The following ZNF568 variants were observed in gnomAD, a reference collection of about 807,000 sequenced individuals.
The protein encoded by ZNF568 is zinc finger protein 568.
A neutral mutation model predicts 18.1 loss-of-function variants in ZNF568; 11 were observed. The observed-to-expected ratio is 0.61, with a 90% CI of 0.38 to 1.00. The LOEUF (loss-of-function observed/expected upper bound fraction) is 1.00, where lower values mean the gene tolerates loss of function less well. Ranked by LOEUF, ZNF568 falls within the 50% of genes least tolerant of loss-of-function variation. The pLI is 0.01. For missense variants in ZNF568, 639 were observed against 768.2 expected (o/e 0.83, Z 1.99); for synonymous variants, 213 against 246.6 (o/e 0.86, Z 1.28).
intron 6 of ZNF568, among the ~76,000 whole-genome samples, chr19:36,972,319 A>C (rs532021320): frequency 5.9e-5 from 9 of 152,220 alleles, no homozygotes; most frequent in African/African-American, 1.9e-4. Context: ...CTGTCATTAA[A>C]TATCCTTCTG....
downstream of ZNF568, among the ~76,000 whole-genome samples, chr19:36,981,367 G>A (rs1206484875): frequency 1.3e-5 from 2 of 152,140 alleles, no homozygotes; most frequent in African/African-American, 4.8e-5. Flanking sequence ...ATCCAGTTGG[G>A]ATAATGATTT....
chr19:36,930,939 T>C (rs2073677005), intron 4 of ZNF568, among the ~76,000 whole-genome samples: 1 of 152,242 alleles, frequency 6.6e-6, no homozygotes, highest in East Asian at 1.9e-4. Flanking sequence ...CAGCATTTTT[T>C]TTCAGTCAGA....
intron 3 of ZNF568, chr19:36,991,438 A>G: frequency 8.4e-7 from 1 of 1,193,368 alleles, no homozygotes; most frequent in South Asian, 1.9e-5. Context: ...CTTGCTCACC[A>G]AAAGAATGGT....
intron 6 of ZNF568, among the ~76,000 whole-genome samples, chr19:36,947,006 TTTTGTTTG>T (rs141590920): frequency 4.1e-4 from 61 of 149,498 alleles, no homozygotes; most frequent in Non-Finnish European, 2.8e-4. Context: ...CTAGAAGATT[TTTTGTTTG>T]TTTGTTTGTT....
chr19:36,973,108 G>C (rs1033295034), intron 6 of ZNF568: 3 of 152,394 alleles, frequency 2.0e-5, no homozygotes, highest in African/African-American at 7.2e-5. Context: ...ACCGTGGTGC[G>C]GTCCAGGCCC....
chr19:36,978,117 G>T (rs1339290651), intron 7 of ZNF568, among the ~76,000 whole-genome samples: 1 of 152,230 alleles, frequency 6.6e-6, no homozygotes, highest in Non-Finnish European at 1.5e-5. Flanking sequence ...TTGCCAATAA[G>T]ATAATCCAGT....
chr19:36,925,156 G>T (rs745359624), intron 3 of ZNF568, 44 bp from the exon 4 acceptor site: 1 of 1,581,396 alleles, frequency 6.3e-7, no homozygotes, highest in Non-Finnish European at 8.7e-7. Context: ...ATATTCCTTT[G>T]TCTGAAACTT....
At chr19:36,997,606 A>G (rs1335447959), downstream of ZNF568, 1 of 1,545,762 alleles carries the variant, frequency 6.5e-7, no homozygotes, top group South Asian at 1.2e-5. Context: ...TTGACACCAG[A>G]AAATTCATAC....
exon 8 of ZNF568, chr19:36,979,489 T>C (rs1230657956): frequency 6.6e-6 from 1 of 152,250 alleles, no homozygotes; most frequent in Non-Finnish European, 1.5e-5. Context: ...CATTTCCTTG[T>C]TTTTCTTTAC....
chr19:36,922,086 T>G (rs1255126352), intron 2 of ZNF568, among the ~76,000 whole-genome samples: 2 of 152,170 alleles, frequency 1.3e-5, no homozygotes, highest in African/African-American at 4.8e-5. Flanking sequence ...CCTCAAAAAC[T>G]AGTGGCTTAA....
Position 36,969,558 on chromosome 19 carries a change from C to T in ZNF568, c.359-4862C>T, listed in dbSNP as rs988259650. 8.5e-5 allele frequency among the ~76,000 whole-genome samples: 13 copies of T among 152,054 alleles called. No homozygotes were observed. In the South Asian group the frequency reaches 1.0e-3, roughly 12 times the overall value. Reference sequence around the variant, plus strand: ...GGCTAAAATCCAGGTGTCATAAAACCGTGTTCTTTCTCTAGGTTCTAGGGG... The same window carrying T: ...GGCTAAAATCCAGGTGTCATAAAACTGTGTTCTTTCTCTAGGTTCTAGGGG... On this transcript the variant is annotated intron_variant, in intron 6 of 7. Transcript: ENST00000427117.
chr19:36,943,728 C>T (rs1280683809), intron 6 of ZNF568, among the ~76,000 whole-genome samples: 1 of 151,974 alleles, frequency 6.6e-6, no homozygotes, highest in Non-Finnish European at 1.5e-5. Flanking sequence ...TGTGCGCCAC[C>T]ACACCTGTAA....
At position 36,929,108 on chromosome 19, in the gene ZNF568, T is replaced by C. The variant is rs148370060; in HGVS notation, c.135+3850T>C. On this transcript the variant is annotated intron_variant, in intron 4 of 6. Coordinates refer to ENST00000333987, the MANE Select transcript of ZNF568 (RefSeq NM_198539.4). ...TAAAAGAAGAATATTTGTTTAATGC[T>C]TACATAACTTTAGGGAAAAAAAAAT... Among the ~76,000 whole-genome samples the C allele has an allele frequency of 3.2e-4, 46 of 142,852 alleles. 1 individual carries two copies. Among genetic ancestry groups the C allele is most frequent in the African/African-American group, 1.1e-3 (41 of 38,034 alleles). 93.7% of individuals were successfully genotyped at this position (142,852 alleles called of 152,430 possible). A position where few individuals can be genotyped will look rare whatever the true frequency, so the allele number is the denominator to read the frequency against.
chr19:36,949,630 G>A lies in ZNF568; in HGVS notation c.477G>A (p.Ala159=), dbSNP rs368953605. 1.1e-4 allele frequency: 181 copies of A among 1,613,500 alleles called. 1 individual carries two copies. The African/African-American group carries it at 1.2e-3, about 11-fold the overall frequency. ...AAGTCATTGAATGTAAAAAAGTTGC[G>A]AAAATATTTCCTCTGAGTTCAGACA... is the stretch of plus-strand genomic sequence containing the variant. The part of the protein sequence containing the change: ...KEKVIECKKV[A]KIFPLSSDIV... The change falls in exon 7 of 7, where the codon GCG becomes GCA. Residue 159 remains alanine (A), a synonymous_variant. Coordinates refer to ENST00000333987, the MANE Select transcript of ZNF568 (RefSeq NM_198539.4).
At position 36,951,188 on chromosome 19, in the gene ZNF568, G is replaced by T; in HGVS notation, c.*100G>T. 1 of 1,180,594 alleles carries T rather than the reference G, an allele frequency of 8.5e-7. No individual in the cohort carries two copies. Among genetic ancestry groups the T allele is most frequent in the Non-Finnish European group, 1.1e-6 (1 of 875,314 alleles). 73.1% of individuals were successfully genotyped at this position (1,180,594 alleles called of 1,614,324 possible). A position where few individuals can be genotyped will look rare whatever the true frequency, so the allele number is the denominator to read the frequency against. On this transcript the variant is annotated 3_prime_UTR_variant, in exon 7 of 7. Coordinates refer to ENST00000333987, the MANE Select transcript of ZNF568 (RefSeq NM_198539.4). ...CTTTATGGAAAAATTTTAATACTTT[G>T]TTAAAAGGTGTAAGACTGGAATAAA...
chr19:36,938,508 A>G (rs1246110728), intron 6 of ZNF568, among the ~76,000 whole-genome samples: 1 of 152,220 alleles, frequency 6.6e-6, no homozygotes, highest in African/African-American at 2.4e-5. Context: ...TCTTCTGGGC[A>G]TGGATATATA....
chr19:36,940,474 C>T (rs1482248555), intron 6 of ZNF568, among the ~76,000 whole-genome samples: 5 of 152,114 alleles, frequency 3.3e-5, no homozygotes, highest in African/African-American at 9.7e-5. Context: ...TTTATTAGTC[C>T]ACCTGGAGAA....
At chr19:36,933,144 C>CTTTT (rs371143411) in intron 4 of ZNF568, among the ~76,000 whole-genome samples, 6 of 134,836 alleles carry the variant, frequency 4.4e-5, no homozygotes, top group African/African-American at 1.1e-4. Context: ...ATTCTGAGAC[C>CTTTT]TTTTTTTTTT....
In ZNF568 at chr19:36,927,565, TTGTG is replaced by T. The variant is rs1304657576; in HGVS notation, c.135+2317_135+2320del. ...TCTACATTTATATCAGTACTGTACT[TTGTG>T]TGTGTGTGTTTTACATTGGTTTAAT... is the stretch of plus-strand genomic sequence containing the variant. On this transcript the variant is annotated intron_variant, in intron 4 of 6. Coordinates refer to ENST00000333987, the MANE Select transcript of ZNF568 (RefSeq NM_198539.4). Among the ~76,000 whole-genome samples, 5 of 151,774 alleles carry T rather than the reference TTGTG, an allele frequency of 3.3e-5. 1 individual carries two copies. Among genetic ancestry groups the T allele is most frequent in the Admixed American group, 1.3e-4 (2 of 15,208 alleles).
Sources: gnomAD v4.1 joint callset for allele counts (sites outside exome capture counted in the v4.1 genomes callset) on GRCh38, gnomAD v4.1.1 for gene constraint, MANE v1.5 for transcripts, NCBI Gene and HGNC (gene_info 2026-07-23, HGNC 2026-07-21) for gene names.